The following SSPN variants were observed in gnomAD, a reference collection of about 807,000 sequenced individuals.
SSPN encodes the protein sarcospan, also known as K-ras oncogene-associated protein.
A neutral mutation model predicts 19.1 loss-of-function variants in SSPN; 15 were observed. That is an observed-to-expected ratio of 0.78 (90% CI 0.52 to 1.21). The LOEUF (loss-of-function observed/expected upper bound fraction) is 1.21, where lower values mean the gene tolerates loss of function less well. SSPN is among the 50% of genes most tolerant of loss of function. SSPN has a pLI of 0.00. For missense variants in SSPN, 291 were observed against 314.0 expected (o/e 0.93, Z 0.55); for synonymous variants, 147 against 140.3 (o/e 1.05, Z -0.34).
Position 26,232,035 on chromosome 12 carries a change from TA to T in SSPN, c.*964del. The T allele has an allele frequency of 1.0e-6, 1 of 985,270 alleles. No individual in the cohort carries two copies. The highest frequency in any genetic ancestry group is 1.2e-6 in the Non-Finnish European group (1 of 829,858). 61.0% of individuals were successfully genotyped at this position (985,270 alleles called of 1,614,324 possible). ...AAAAAAAATTATTAATAGCTCAGGT[TA>T]AAAACACCCATTTAAACAAAAACAA... On this transcript the variant is annotated 3_prime_UTR_variant, in exon 3 of 3. Coordinates refer to ENST00000242729, the MANE Select transcript of SSPN (RefSeq NM_005086.5).
At chr12:26,180,022 G>A (rs865936746) in intron 1 of SSPN, 2 of 145,630 alleles carry the variant, frequency 1.4e-5, no homozygotes, top group African/African-American at 5.1e-5. Context: ...GCTTGAGGAT[G>A]TGCTCTGTGT....
At chr12:26,216,914 G>A (rs1945058337) in intron 1 of SSPN, among the ~76,000 whole-genome samples, 1 of 69,222 alleles carries the variant, frequency 1.4e-5, no homozygotes, top group Non-Finnish European at 2.7e-5. Flanking sequence ...TGAGGGCTCT[G>A]TTCTGTTCCA....
intron 1 of SSPN, among the ~76,000 whole-genome samples, chr12:26,137,532 G>A (rs1459725724): frequency 2.0e-5 from 3 of 150,588 alleles, no homozygotes; most frequent in African/African-American, 7.4e-5. Context: ...TATGCCTGTT[G>A]TGAGGTGACT....
chr12:26,221,244 G>T (rs78030836), intron 1 of SSPN, among the ~76,000 whole-genome samples: 1,739 of 152,098 alleles, frequency 0.011, 28 homozygotes, highest in African/African-American at 0.039. Flanking sequence ...TCTCCTTTTA[G>T]CCACTTTCTG....
intron 1 of SSPN, among the ~76,000 whole-genome samples, chr12:26,207,026 G>T (rs1944936850): frequency 6.6e-6 from 1 of 152,144 alleles, no homozygotes. Flanking sequence ...TGCCAAGGTG[G>T]TGCCTTAAAC....
chr12:26,176,381 G>A (rs531582931), intron 1 of SSPN, among the ~76,000 whole-genome samples: 1 of 152,258 alleles, frequency 6.6e-6, no homozygotes, highest in South Asian at 2.1e-4. Flanking sequence ...TATGAGAGAT[G>A]GCCCTAAACC....
At position 26,230,692 on chromosome 12, in the gene SSPN, T is replaced by C; in HGVS notation, c.367-19T>C. 6.3e-7 allele frequency: 1 copy of C among 1,583,122 alleles called. No homozygotes were observed. Among genetic ancestry groups the C allele is most frequent in the Non-Finnish European group, 8.6e-7 (1 of 1,161,230 alleles). On this transcript the variant is annotated intron_variant, in intron 2 of 2. Coordinates refer to ENST00000242729, the MANE Select transcript of SSPN (RefSeq NM_005086.5). ...AATGTTCTTTGTAACCAGAAAGGTT[T>C]TCTTCTGCTTTCTTGCAGCTGTTAT...
At chr12:26,224,267 C>G (rs1371443850) in intron 1 of SSPN, 26 bp from the exon 2 acceptor site, 1 of 1,561,160 alleles carries the variant, frequency 6.4e-7, no homozygotes, top group East Asian at 2.2e-5. Flanking sequence ...CTGATAACAT[C>G]CTTTCTTCTG....
chr12:26,123,166 C>G, intron 1 of SSPN: 1 of 1,587,664 alleles, frequency 6.3e-7, no homozygotes, highest in South Asian at 1.1e-5. Context: ...AGAGATCGCT[C>G]CCCTAGGATG....
chr12:26,230,580 TA>T, intron 2 of SSPN, 130 bp from the exon 3 acceptor site: 1 of 1,044,112 alleles, frequency 9.6e-7, no homozygotes, highest in East Asian at 2.6e-5. Flanking sequence ...GTTGTGTTTC[TA>T]AGAAGAGACA....
chr12:26,123,581 G>T, intron 1 of SSPN: 1 of 1,331,180 alleles, frequency 7.5e-7, no homozygotes, highest in Non-Finnish European at 1.1e-6. Flanking sequence ...GCTCCCCTGT[G>T]GGCTGCCCCG....
chr12:26,208,023 G>A (rs912950865), intron 1 of SSPN, among the ~76,000 whole-genome samples: 7 of 151,112 alleles, frequency 4.6e-5, no homozygotes, highest in Non-Finnish European at 1.0e-4. Flanking sequence ...GGTGGTGGGG[G>A]GGGGGGATAT....
rs115333797 is a variant in SSPN, at chr12:26,198,538, C to T, written c.279+2587C>T. Among the ~76,000 whole-genome samples the T allele has an allele frequency of 3.4e-3, 513 of 152,284 alleles. 3 individuals are homozygous for T. The highest frequency in any genetic ancestry group is 0.012 in the African/African-American group (480 of 41,540). ...GGCATGATTCAATGAGTTAGCTTTACTTATTAGCTGCTTGGGAAGCAGTCA... is the reference window on the plus strand; with the variant it reads ...GGCATGATTCAATGAGTTAGCTTTATTTATTAGCTGCTTGGGAAGCAGTCA... On this transcript the variant is annotated intron_variant, in intron 1 of 2. Coordinates refer to ENST00000242729, the MANE Select transcript of SSPN (RefSeq NM_005086.5).
rs553606616 is a variant in SSPN at position 26,172,346 on chromosome 12, G to A, written c.-31+50194G>A. The stretch of plus-strand genomic sequence containing the variant: ...TCCTAGCCTTTACCCCGTCACTCCC[G>A]CTCCCTGGAGGTAAATATCCACCCT... On this transcript the variant is annotated intron_variant, in intron 1 of 2. Coordinates refer to the SSPN transcript ENST00000538142. Among the ~76,000 whole-genome samples, 88 of 152,152 alleles carry A rather than the reference G, an allele frequency of 5.8e-4. 1 individual carries two copies. In the South Asian group the frequency reaches 0.015, roughly 27 times the overall value.
At position 26,231,825 on chromosome 12, in the gene SSPN, T is replaced by C. The variant is rs1202340831; in HGVS notation, c.*749T>C. 1 of 532,836 alleles carries C rather than the reference T, an allele frequency of 1.9e-6. No individual in the cohort carries two copies. The highest frequency in any genetic ancestry group is 2.1e-5 in the African/African-American group (1 of 48,500). The allele number at this position is 532,836 out of a possible 1,614,324, so 33.0% of individuals were successfully genotyped here. On this transcript the variant is annotated 3_prime_UTR_variant, in exon 3 of 3. Coordinates refer to ENST00000242729, the MANE Select transcript of SSPN (RefSeq NM_005086.5). ...TAAAAATAATTACATTATGCTTCTA[T>C]TCTATCATCTAAAACAAATCATTAA...
rs1341307027 is a variant in SSPN at position 26,232,288 on chromosome 12, T to A, written c.*1212T>A. On this transcript the variant is annotated 3_prime_UTR_variant, in exon 3 of 3. Coordinates refer to ENST00000242729, the MANE Select transcript of SSPN (RefSeq NM_005086.5). ...CTTATTTGAGCAATATGGCCTTGAC[T>A]TGGAGGGTAGTTTTAGTTGTTTTGT... is the stretch of plus-strand genomic sequence containing the variant. 3.7e-5 allele frequency: 36 copies of A among 985,332 alleles called. No homozygotes were observed. The highest frequency in any genetic ancestry group is 4.2e-5 in the Non-Finnish European group (35 of 829,946). The allele number at this position is 985,332 out of a possible 1,614,324, so 61.0% of individuals were successfully genotyped here.
At chr12:26,208,168 C>T (rs1944949132) in intron 1 of SSPN, among the ~76,000 whole-genome samples, 1 of 152,146 alleles carries the variant, frequency 6.6e-6, no homozygotes, top group African/African-American at 2.4e-5. Flanking sequence ...AGGCATATTC[C>T]TAGAAGTCAA....
intron 2 of SSPN, among the ~76,000 whole-genome samples, chr12:26,225,155 C>A (rs1381411902): frequency 2.7e-5 from 4 of 149,118 alleles, no homozygotes; most frequent in Non-Finnish European, 4.5e-5. Context: ...ATTGTTTTTT[C>A]TTCTACAAGA....
rs1022994844 is a variant in SSPN at position 26,149,854 on chromosome 12, A to AT, written c.-31+27712dup. ...CACATCCACACATACTGCACCTGAAATTTTTTTTTTAATTTTAATTTTTTA... is the reference window on the plus strand; with the variant it reads ...CACATCCACACATACTGCACCTGAAATTTTTTTTTTTAATTTTAATTTTTTA... On this transcript the variant is annotated intron_variant, in intron 1 of 2. Coordinates refer to the SSPN transcript ENST00000538142. Among the ~76,000 whole-genome samples the AT allele has an allele frequency of 5.9e-5, 9 of 151,392 alleles. 1 individual carries two copies. Among genetic ancestry groups the AT allele is most frequent in the African/African-American group, 1.7e-4 (7 of 41,332 alleles).
Sources: allele counts gnomAD v4.1 joint callset (sites outside exome capture counted in the v4.1 genomes callset), GRCh38; gene constraint gnomAD v4.1.1; transcripts MANE v1.5; gene names NCBI Gene and HGNC (gene_info 2026-07-23, HGNC 2026-07-21).